The following AGMO variants were observed in gnomAD, a reference collection of about 807,000 sequenced individuals.
AGMO encodes glyceryl-ether monooxygenase.
In AGMO, 75 loss-of-function variants were observed where a neutral mutation model predicts 60.2. The observed-to-expected ratio is 1.25, with a 90% CI of 1.03 to 1.51. The LOEUF (loss-of-function observed/expected upper bound fraction) is 1.51, where lower values mean the gene tolerates loss of function less well. AGMO is among the 40% of genes most tolerant of loss of function. AGMO has a pLI of 0.00. For missense variants in AGMO, 763 were observed against 525.5 expected, an observed-to-expected ratio of 1.45 and a Z score of -4.42; for synonymous variants, 261 against 177.1, an observed-to-expected ratio of 1.47 and a Z score of -3.76.
chr7:15,163,300 T>A, the AGMO span, among the ~76,000 whole-genome samples: 1 of 152,170 alleles, frequency 6.6e-6, no homozygotes, highest in Admixed American at 6.6e-5. Flanking sequence ...TTTTCCAATT[T>A]GCATGCTTTT....
At chr7:15,410,071 A>C (rs999524379) in intron 5 of AGMO, among the ~76,000 whole-genome samples, 5 of 151,754 alleles carry the variant, frequency 3.3e-5, no homozygotes, top group Non-Finnish European at 7.4e-5. Flanking sequence ...ATTCTCAGTA[A>C]CTATAAGTAA....
chr7:15,251,118 T>C (rs1782921354), intron 12 of AGMO, among the ~76,000 whole-genome samples: 1 of 152,194 alleles, frequency 6.6e-6, no homozygotes. Context: ...TTAAATACTT[T>C]AGCCCAGCTC....
intron 3 of AGMO, among the ~76,000 whole-genome samples, chr7:15,454,522 T>TA (rs1309465551): frequency 6.6e-6 from 1 of 152,140 alleles, no homozygotes; most frequent in African/African-American, 2.4e-5. Flanking sequence ...AACCTTTTTC[T>TA]AAAAAAACTA....
chr7:15,435,494 A>G (rs1038404702), intron 3 of AGMO, among the ~76,000 whole-genome samples: 2 of 152,124 alleles, frequency 1.3e-5, no homozygotes, highest in Non-Finnish European at 2.9e-5. Flanking sequence ...CAATGGCTCT[A>G]TGTACCTAAT....
the AGMO span, among the ~76,000 whole-genome samples, chr7:15,169,602 A>G: frequency 2.0e-5 from 3 of 152,102 alleles, no homozygotes; most frequent in African/African-American, 7.2e-5. Flanking sequence ...ACACCTGGCT[A>G]ATTTTTGTAA....
intron 3 of AGMO, among the ~76,000 whole-genome samples, chr7:15,516,123 C>A (rs1222287863): frequency 6.6e-6 from 1 of 151,898 alleles, no homozygotes; most frequent in African/African-American, 2.4e-5. Flanking sequence ...TAATGTTTTA[C>A]ACAATAAATA....
chr7:15,313,557 A>C (rs1353687126), intron 12 of AGMO, among the ~76,000 whole-genome samples: 4 of 152,184 alleles, frequency 2.6e-5, no homozygotes, highest in Admixed American at 1.3e-4. Context: ...GGTTCTGGCA[A>C]ACACTAAATG....
At chr7:15,282,618 A>G (rs2128519216) in intron 12 of AGMO, among the ~76,000 whole-genome samples, 1 of 152,346 alleles carries the variant, frequency 6.6e-6, no homozygotes, top group African/African-American at 2.4e-5. Flanking sequence ...GGTGTTCCAA[A>G]TAATTGGTGA....
chr7:15,248,227 T>TA (rs1413598774), intron 12 of AGMO, among the ~76,000 whole-genome samples: 3 of 118,116 alleles, frequency 2.5e-5, no homozygotes, highest in African/African-American at 5.9e-5. Flanking sequence ...TATATATATC[T>TA]TCATCTTCAA....
At chr7:15,151,439 TC>T in the AGMO span, among the ~76,000 whole-genome samples, 1 of 152,076 alleles carries the variant, frequency 6.6e-6, no homozygotes, top group Non-Finnish European at 1.5e-5. Context: ...CTAACTTCTT[TC>T]TGTAGGTGTT....
At chr7:15,521,955 T>A (rs1784003595) in intron 3 of AGMO, among the ~76,000 whole-genome samples, 1 of 152,142 alleles carries the variant, frequency 6.6e-6, no homozygotes. Context: ...AACCCCATCA[T>A]CTCAGCCCCA....
intron 3 of AGMO, among the ~76,000 whole-genome samples, chr7:15,450,088 T>A (rs1781817505): frequency 6.6e-6 from 1 of 152,212 alleles, no homozygotes. Flanking sequence ...TAGTAAAGTA[T>A]TACAAATGTA....
chr7:15,176,531 G>T, the AGMO span, among the ~76,000 whole-genome samples: 1 of 151,758 alleles, frequency 6.6e-6, no homozygotes, highest in Non-Finnish European at 1.5e-5. Context: ...TTTTCCCCCT[G>T]CTTTATTGAG....
chr7:15,193,546 G>A, the AGMO span, among the ~76,000 whole-genome samples: 2 of 152,030 alleles, frequency 1.3e-5, no homozygotes, highest in Non-Finnish European at 2.9e-5. Context: ...ACTTGAAGTT[G>A]GAACTCTTAT....
chr7:15,133,645 C>CTT, the AGMO span, among the ~76,000 whole-genome samples: 1 of 151,950 alleles, frequency 6.6e-6, no homozygotes, highest in Non-Finnish European at 1.5e-5. Flanking sequence ...TGGACTTAAA[C>CTT]AATTGAAGCT....
At chr7:15,189,377 A>G in the AGMO span, among the ~76,000 whole-genome samples, 1 of 152,098 alleles carries the variant, frequency 6.6e-6, no homozygotes. Flanking sequence ...CATTTTATAA[A>G]CATTTTACAG....
chr7:15,295,859 G>A (rs1392843398), intron 12 of AGMO, among the ~76,000 whole-genome samples: 1 of 152,002 alleles, frequency 6.6e-6, no homozygotes, highest in Non-Finnish European at 1.5e-5. Flanking sequence ...AATAAATTTG[G>A]AATTGGGAAG....
At chr7:15,159,708 C>G in the AGMO span, among the ~76,000 whole-genome samples, 1 of 152,110 alleles carries the variant, frequency 6.6e-6, no homozygotes, top group African/African-American at 2.4e-5. Flanking sequence ...ATAATACTTT[C>G]AAAGATATTC....
chr7:15,306,643 C>A, intron 12 of AGMO: 1 of 384,186 alleles, frequency 2.6e-6, no homozygotes, highest in East Asian at 7.9e-5. Flanking sequence ...GTTTATGGCA[C>A]TATTAAGGAT....
Sources: gnomAD v4.1 joint callset for allele counts (sites outside exome capture counted in the v4.1 genomes callset) on GRCh38, gnomAD v4.1.1 for gene constraint, MANE v1.5 for transcripts, NCBI Gene and HGNC (gene_info 2026-07-23, HGNC 2026-07-21) for gene names.